Variants in NOS1 observed in about 807,000 individuals in gnomAD.
NOS1 encodes the protein nitric oxide synthase 1, also known as NOS type I.
A neutral mutation model predicts 164.5 loss-of-function variants in NOS1; 51 were observed. The observed-to-expected ratio is 0.31, with a 90% CI of 0.25 to 0.39. The LOEUF (loss-of-function observed/expected upper bound fraction) is 0.39. Ranked by LOEUF, NOS1 falls within the 10% of genes least tolerant of loss-of-function variation. The pLI, the probability that NOS1 is intolerant of heterozygous loss-of-function variation, is 1.00. For missense variants in NOS1, 1,362 were observed against 1,885.6 expected, an observed-to-expected ratio of 0.72 and a Z score of 5.14; for synonymous variants, 719 against 745.8, an observed-to-expected ratio of 0.96 and a Z score of 0.59.
intron 2 of NOS1, among the ~76,000 whole-genome samples, chr12:117,314,866 C>T (rs1359694570): frequency 6.6e-6 from 1 of 152,160 alleles, no homozygotes; most frequent in Non-Finnish European, 1.5e-5. Context: ...CTTGGCCTCC[C>T]AAAGTGCTGG....
At chr12:117,250,327 C>CAT (rs1870989362) in intron 17 of NOS1, among the ~76,000 whole-genome samples, 1 of 130,170 alleles carries the variant, frequency 7.7e-6, no homozygotes, top group Non-Finnish European at 1.6e-5. Context: ...TTGCCATTTA[C>CAT]TTTTTTTTTT....
chr12:117,298,018 G>A lies in NOS1; in HGVS notation c.853-7592C>T, dbSNP rs184363624. ...AAGACAATTTTTCCATGGACTGGTG[G>A]TCGGGGGCATGTTCAGGATGATTCA... On this transcript the variant is annotated intron_variant, in intron 3 of 28. Transcript: ENST00000317775. Among the ~76,000 whole-genome samples the A allele has an allele frequency of 1.4e-3, 211 of 152,188 alleles. 1 individual carries two copies. Among genetic ancestry groups the A allele is most frequent in the African/African-American group, 4.9e-3 (202 of 41,524 alleles).
chr12:117,221,911 C>T lies in NOS1; in HGVS notation c.3975+804G>A, dbSNP rs1049267997. On this transcript the variant is annotated intron_variant, in intron 26 of 28. Coordinates refer to ENST00000317775, the MANE Select transcript of NOS1 (RefSeq NM_000620.5). ...CCAGACTCAAGTGATCCTCCCACCT[C>T]AGCCTCCCAAAGTGCTGGGATTACA... is the stretch of plus-strand genomic sequence containing the variant. Among the ~76,000 whole-genome samples, 11 of 149,010 alleles carry T rather than the reference C, an allele frequency of 7.4e-5. No individual in the cohort carries two copies. The Admixed American group carries it at 7.4e-4, about 10-fold the overall frequency.
At chr12:117,294,558 A>G (rs904482772) in intron 3 of NOS1, among the ~76,000 whole-genome samples, 1 of 152,190 alleles carries the variant, frequency 6.6e-6, no homozygotes, top group African/African-American at 2.4e-5. Flanking sequence ...ATTAGCCAGC[A>G]GCAATATTAG....
Position 117,280,871 on chromosome 12 carries a change from G to A in NOS1, c.1383-5C>T, listed in dbSNP as rs757049782. 6.8e-6 allele frequency: 11 copies of A among 1,613,496 alleles called. No individual in the cohort carries two copies. The highest frequency in any genetic ancestry group is 1.6e-4 in the Middle Eastern group (1 of 6,084). On this transcript the variant is annotated splice_polypyrimidine_tract_variant and splice_region_variant and intron_variant, in intron 7 of 28. Transcript: ENST00000317775. ...GGGAATATGGTGATGGCAGACCTGT[G>A]GTGGAGAGAGGGGAACACCCGGCAT...
At chr12:117,237,616 CGGT>C (rs984545340) in intron 20 of NOS1, among the ~76,000 whole-genome samples, 1 of 151,620 alleles carries the variant, frequency 6.6e-6, no homozygotes, top group Non-Finnish European at 1.5e-5. Context: ...ACATGCTTGG[CGGT>C]GGCTCAATGA....
chr12:117,337,942 C>T (rs1242575327), intron 1 of NOS1, among the ~76,000 whole-genome samples: 4 of 152,002 alleles, frequency 2.6e-5, no homozygotes, highest in Non-Finnish European at 5.9e-5. Context: ...TGGACAGGCG[C>T]GGTGGCTCAC....
chr12:117,309,045 C>T (rs1441934858), intron 3 of NOS1, among the ~76,000 whole-genome samples: 1 of 152,134 alleles, frequency 6.6e-6, no homozygotes, highest in Non-Finnish European at 1.5e-5. Flanking sequence ...AGATCTGGCC[C>T]GAGGCTGCCT....
rs41386547 is a variant in NOS1 at position 117,290,205 on chromosome 12, A to T, written c.981+93T>A. The T allele has an allele frequency of 2.0e-3, 2,920 of 1,484,612 alleles. 23 individuals carry two copies. Among genetic ancestry groups the T allele is most frequent in the South Asian group, 0.013 (1,031 of 80,828 alleles). 92.0% of individuals were successfully genotyped at this position (1,484,612 alleles called of 1,614,324 possible). A position where few individuals can be genotyped will look rare whatever the true frequency, so the allele number is the denominator to read the frequency against. On this transcript the variant is annotated intron_variant, in intron 4 of 28. Coordinates refer to ENST00000317775, the MANE Select transcript of NOS1 (RefSeq NM_000620.5). ...GGTGGTGCTCAACACCCTACAACAGAGGACAGCCCCCACAACAAAGACTTA... is the reference window on the plus strand; with the variant it reads ...GGTGGTGCTCAACACCCTACAACAGTGGACAGCCCCCACAACAAAGACTTA...
intron 28 of NOS1, 141 bp downstream of exon 28, chr12:117,217,905 T>C: frequency 1.4e-6 from 1 of 694,418 alleles, no homozygotes; most frequent in Non-Finnish European, 2.6e-6. Flanking sequence ...GTCTGGGAAT[T>C]TGCATTTTGA....
At chr12:117,286,299 C>A (rs747566905) in intron 5 of NOS1, 33 bp from the exon 6 acceptor site, 2 of 1,609,972 alleles carry the variant, frequency 1.2e-6, no homozygotes, top group South Asian at 1.1e-5. Context: ...GGGAACATCA[C>A]CCCCTCTTCT....
At chr12:117,322,543 C>CT (rs1262871034) in intron 2 of NOS1, among the ~76,000 whole-genome samples, 2 of 135,594 alleles carry the variant, frequency 1.5e-5, no homozygotes, top group Non-Finnish European at 3.2e-5. Context: ...CTCTCTCCTT[C>CT]TTTCCTTCCT....
chr12:117,261,458 T>C (rs1243608572), intron 13 of NOS1, among the ~76,000 whole-genome samples: 1 of 151,696 alleles, frequency 6.6e-6, no homozygotes, highest in Non-Finnish European at 1.5e-5. Flanking sequence ...CATATTCTAA[T>C]GTGTGTGTGT....
chr12:117,295,531 A>G (rs570648784), intron 3 of NOS1, among the ~76,000 whole-genome samples: 2 of 151,136 alleles, frequency 1.3e-5, no homozygotes. Flanking sequence ...TGGATGCCTG[A>G]TGTAAAGGGT....
At chr12:117,254,126 A>G (rs1871280687) in intron 16 of NOS1, among the ~76,000 whole-genome samples, 1 of 151,928 alleles carries the variant, frequency 6.6e-6, no homozygotes, top group South Asian at 2.1e-4. Context: ...TTTTTTTTTG[A>G]GACAGAGTTT....
intron 1 of NOS1, among the ~76,000 whole-genome samples, chr12:117,343,280 G>A (rs1425720111): frequency 4.6e-5 from 7 of 151,684 alleles, no homozygotes; most frequent in Non-Finnish European, 1.0e-4. Context: ...GAGGGAGGAA[G>A]GAAGGAAGGA....
intron 2 of NOS1, among the ~76,000 whole-genome samples, chr12:117,326,315 G>A (rs1875242731): frequency 6.6e-6 from 1 of 151,400 alleles, no homozygotes; most frequent in Non-Finnish European, 1.5e-5. Context: ...GAACCCGGGA[G>A]GCGGAGGTTG....
intron 10 of NOS1, among the ~76,000 whole-genome samples, chr12:117,270,838 C>G (rs1872738826): frequency 6.6e-6 from 1 of 152,024 alleles, no homozygotes; most frequent in Admixed American, 6.6e-5. Context: ...GAGTTCGAGA[C>G]TAGCCTGGCC....
intron 1 of NOS1, among the ~76,000 whole-genome samples, chr12:117,348,874 C>G (rs567520229): frequency 6.6e-6 from 1 of 152,098 alleles, no homozygotes; most frequent in Non-Finnish European, 1.5e-5. Context: ...ATCCTGGAAC[C>G]GAAACAGCAC....
Sources: gnomAD v4.1 joint callset for allele counts (sites outside exome capture counted in the v4.1 genomes callset) on GRCh38, gnomAD v4.1.1 for gene constraint, MANE v1.5 for transcripts, NCBI Gene and HGNC (gene_info 2026-07-23, HGNC 2026-07-21) for gene names.